Variants in SNX29 observed in about 807,000 individuals in gnomAD.
SNX29 encodes the protein sorting nexin 29.
SNX29 carries 78 observed loss-of-function variants against 102.1 expected under a neutral mutation model. That is an observed-to-expected ratio of 0.76 (90% CI 0.64 to 0.92). The LOEUF is 0.92. Among genes scored for constraint, SNX29 ranks in the 40% least tolerant of loss-of-function variants. SNX29 has a pLI of 0.00. For missense variants in SNX29, 1,280 were observed against 1,061.7 expected, an observed-to-expected ratio of 1.21 and a Z score of -2.86; for synonymous variants, 580 against 414.5, an observed-to-expected ratio of 1.40 and a Z score of -4.85.
intron 11 of SNX29, among the ~76,000 whole-genome samples, chr16:12,125,506 C>G (rs1417918198): frequency 6.7e-6 from 1 of 150,266 alleles, no homozygotes; most frequent in Non-Finnish European, 1.5e-5. Flanking sequence ...TAGGGTGATA[C>G]AGTGGATCGG....
chr16:12,404,336 C>T (rs1400345454), intron 18 of SNX29, among the ~76,000 whole-genome samples: 2 of 152,138 alleles, frequency 1.3e-5, no homozygotes, highest in Non-Finnish European at 2.9e-5. Flanking sequence ...GACTCCAGTT[C>T]TCCGTCTCCT....
At chr16:12,216,382 A>C (rs560023178) in intron 14 of SNX29, among the ~76,000 whole-genome samples, 1 of 152,298 alleles carries the variant, frequency 6.6e-6, no homozygotes, top group East Asian at 1.9e-4. Context: ...ATATGATGGC[A>C]CAAAAAGCAA....
chr16:12,154,947 A>G (rs150380529), intron 13 of SNX29, among the ~76,000 whole-genome samples: 20 of 152,344 alleles, frequency 1.3e-4, no homozygotes, highest in Admixed American at 6.5e-4. Flanking sequence ...GCATTTCAGC[A>G]TATGAATTTG....
At chr16:12,437,284 T>C (rs565663623) in intron 18 of SNX29, among the ~76,000 whole-genome samples, 69 of 152,320 alleles carry the variant, frequency 4.5e-4, no homozygotes, top group African/African-American at 1.4e-3. Context: ...TCTCTTTCTC[T>C]CTTTCACCTG....
intron 11 of SNX29, among the ~76,000 whole-genome samples, chr16:12,115,201 G>A (rs1337200726): frequency 6.6e-6 from 1 of 151,922 alleles, no homozygotes; most frequent in East Asian, 1.9e-4. Flanking sequence ...AGCCCCCCTC[G>A]CTGCTTTCAC....
At chr16:12,495,014 C>T (rs561091916) in intron 19 of SNX29, among the ~76,000 whole-genome samples, 7 of 152,162 alleles carry the variant, frequency 4.6e-5, no homozygotes, top group African/African-American at 1.7e-4. Context: ...AGTTAGCATC[C>T]CTGCCTCACC....
chr16:12,165,168 G>A (rs2141697470), intron 13 of SNX29, among the ~76,000 whole-genome samples: 1 of 152,346 alleles, frequency 6.6e-6, no homozygotes, highest in East Asian at 1.9e-4. Context: ...GGTTTCACAT[G>A]GAAGTGAGTA....
chr16:12,210,812 C>G (rs939130166), intron 14 of SNX29, among the ~76,000 whole-genome samples: 1 of 151,976 alleles, frequency 6.6e-6, no homozygotes, highest in African/African-American at 2.4e-5. Context: ...TCACTCTGCT[C>G]CGGTCTATTT....
At chr16:12,257,165 T>G (rs1240883309) in intron 14 of SNX29, among the ~76,000 whole-genome samples, 1 of 152,178 alleles carries the variant, frequency 6.6e-6, no homozygotes, top group Non-Finnish European at 1.5e-5. Context: ...GGCTCTCAGC[T>G]GGGGGCTGCC....
rs181466444 is a variant in SNX29 at position 12,435,946 on chromosome 16, C to T, written c.2037+32417C>T. Among the ~76,000 whole-genome samples, 629 of 152,324 alleles carry T rather than the reference C, an allele frequency of 4.1e-3. 2 individuals carry two copies. Among genetic ancestry groups the T allele is most frequent in the African/African-American group, 9.4e-3 (392 of 41,576 alleles). On this transcript the variant is annotated intron_variant, in intron 18 of 20. Coordinates refer to ENST00000566228, the MANE Select transcript of SNX29 (RefSeq NM_032167.5). ...TCTGTGGGAACAGCGACGCCACACA[C>T]GTGCCGCGCGTTACTTCCCGTAGGC... is the stretch of plus-strand genomic sequence containing the variant.
chr16:12,445,417 ACT>A lies in SNX29; in HGVS notation c.2038-32298_2038-32297del, dbSNP rs202103067. On this transcript the variant is annotated intron_variant, in intron 18 of 20. Transcript: ENST00000566228. ...CGCTGTTCATTCTGTACACTGAGCA[ACT>A]CTCCTGTGTGCATCTCCCCAGGAGG... 8.4e-3 allele frequency among the ~76,000 whole-genome samples: 1,275 copies of A among 151,916 alleles called. 21 individuals are homozygous for A. Among genetic ancestry groups the A allele is most frequent in the African/African-American group, 0.029 (1,210 of 41,390 alleles).
At chr16:12,507,159 T>G (rs578089259) in intron 19 of SNX29, among the ~76,000 whole-genome samples, 4 of 152,358 alleles carry the variant, frequency 2.6e-5, no homozygotes, top group African/African-American at 9.6e-5. Context: ...AAATGCTTTC[T>G]GAGGCTGTAG....
chr16:12,522,903 C>T (rs898041452), intron 19 of SNX29, among the ~76,000 whole-genome samples: 22 of 152,166 alleles, frequency 1.4e-4, no homozygotes, highest in African/African-American at 4.8e-4. Context: ...CTCTACCTCT[C>T]GGGCTTAAGC....
At chr16:12,157,252 C>T (rs1182981980) in intron 13 of SNX29, among the ~76,000 whole-genome samples, 2 of 152,244 alleles carry the variant, frequency 1.3e-5, no homozygotes, top group East Asian at 3.9e-4. Flanking sequence ...ACCCTGCTTC[C>T]ACACTATCCA....
intron 16 of SNX29, among the ~76,000 whole-genome samples, chr16:12,397,295 C>A (rs1166993532): frequency 6.6e-6 from 1 of 152,126 alleles, no homozygotes; most frequent in African/African-American, 2.4e-5. Flanking sequence ...CTTTTTTCAC[C>A]TTTTAGCTGA....
At chr16:12,270,359 TA>T (rs1233801048) in intron 14 of SNX29, among the ~76,000 whole-genome samples, 1 of 152,240 alleles carries the variant, frequency 6.6e-6, no homozygotes, top group East Asian at 1.9e-4. Context: ...TGTCATCTGT[TA>T]TTTTTGCCTC....
At position 12,284,718 on chromosome 16, in the gene SNX29, T is replaced by C. The variant is rs11649569; in HGVS notation, c.1782+6682T>C. On this transcript the variant is annotated intron_variant, in intron 15 of 20. Coordinates refer to ENST00000566228, the MANE Select transcript of SNX29 (RefSeq NM_032167.5). ...CTTGCCAGAACTGCTTTGGTTTCGG[T>C]TCCTTTTTTTTTTTTCTTTTTTTTG... 6.6e-5 allele frequency among the ~76,000 whole-genome samples: 10 copies of C among 151,968 alleles called. No individual in the cohort carries two copies. In the East Asian group the frequency reaches 1.9e-3, roughly 29 times the overall value.
chr16:12,125,348 A>T (rs1318678712), intron 11 of SNX29, among the ~76,000 whole-genome samples: 1 of 152,196 alleles, frequency 6.6e-6, no homozygotes, highest in East Asian at 1.9e-4. Flanking sequence ...TCTATGATGG[A>T]TTTTTAAAAG....
intron 16 of SNX29, among the ~76,000 whole-genome samples, chr16:12,361,428 C>A (rs1023153150): frequency 6.6e-6 from 1 of 152,182 alleles, no homozygotes; most frequent in Non-Finnish European, 1.5e-5. Flanking sequence ...ACCCGATTAA[C>A]CTGTACAAAT....
Sources: allele counts gnomAD v4.1 joint callset (sites outside exome capture counted in the v4.1 genomes callset), GRCh38; gene constraint gnomAD v4.1.1; transcripts MANE v1.5; gene names NCBI Gene and HGNC (gene_info 2026-07-23, HGNC 2026-07-21).